The following PRKN variants were observed in gnomAD, a reference collection of about 807,000 sequenced individuals.
PRKN encodes the protein E3 ubiquitin-protein ligase parkin.
Under a neutral mutation model 59.5 loss-of-function variants are expected in PRKN, and 56 were observed. The observed-to-expected ratio is 0.94, with a 90% CI of 0.76 to 1.18. PRKN has a LOEUF of 1.18. PRKN is among the 50% of genes most tolerant of loss of function. The pLI, the probability that PRKN is intolerant of heterozygous loss-of-function variation, is 0.00. For synonymous variants in PRKN, 250 were observed against 222.1 expected (o/e 1.13, Z -1.12); for missense variants, 657 against 596.4 (o/e 1.10, Z -1.06).
At chr6:162,712,769 T>C (rs1208182241) in intron 1 of PRKN, among the ~76,000 whole-genome samples, 1 of 152,192 alleles carries the variant, frequency 6.6e-6, no homozygotes, top group African/African-American at 2.4e-5. Flanking sequence ...TACATAGCTG[T>C]CCTAAAGTTG....
At chr6:162,695,273 T>C (rs531793172) in intron 1 of PRKN, among the ~76,000 whole-genome samples, 1 of 152,258 alleles carries the variant, frequency 6.6e-6, no homozygotes, top group African/African-American at 2.4e-5. Flanking sequence ...TATTTCTGGG[T>C]CACAGAAATT....
At chr6:162,553,842 AAAAAAAG>A (rs1759611303) in intron 1 of PRKN, among the ~76,000 whole-genome samples, 1 of 18,270 alleles carries the variant, frequency 5.5e-5, no homozygotes, top group African/African-American at 2.6e-4. Flanking sequence ...AAAAAAAAAA[AAAAAAAG>A]GGTAAAAGTG....
chr6:161,437,984 T>C (rs1329391133), intron 9 of PRKN, among the ~76,000 whole-genome samples: 3 of 152,130 alleles, frequency 2.0e-5, no homozygotes, highest in Non-Finnish European at 2.9e-5. Flanking sequence ...ACAGTAATTA[T>C]ATGAGCCCAC....
intron 6 of PRKN, among the ~76,000 whole-genome samples, chr6:161,971,577 T>C (rs1562428497): frequency 1.3e-5 from 2 of 152,338 alleles, no homozygotes; most frequent in Non-Finnish European, 1.5e-5. Flanking sequence ...GTCATTCACC[T>C]TGCCAAGAGA....
In PRKN at chr6:161,499,781, C is replaced by T. The variant is rs890713448; in HGVS notation, c.1083+49073G>A. Among the ~76,000 whole-genome samples the T allele has an allele frequency of 9.9e-5, 15 of 150,820 alleles. No individual in the cohort carries two copies. The highest frequency in any genetic ancestry group is 2.2e-4 in the African/African-American group (9 of 40,434). On this transcript the variant is annotated intron_variant, in intron 9 of 11. Transcript: ENST00000366898. The surrounding 1 kb of genome is among the most constrained non-coding windows in gnomAD (Gnocchi z 4.2). ...ATCATATATTCAGAACCAAGTTCTA[C>T]GAATGGGTAAAGAATTTTTATTCTC...
chr6:161,680,034 A>G (rs1449501013), intron 7 of PRKN, among the ~76,000 whole-genome samples: 1 of 152,096 alleles, frequency 6.6e-6, no homozygotes, highest in Non-Finnish European at 1.5e-5. Flanking sequence ...GATTACAGGC[A>G]TGAGCCACCG....
chr6:161,646,422 G>A (rs1371501811), intron 7 of PRKN, among the ~76,000 whole-genome samples: 1 of 112,722 alleles, frequency 8.9e-6, no homozygotes, highest in African/African-American at 3.2e-5. Flanking sequence ...CAGTGACAGT[G>A]GTCACTGCGT....
At chr6:162,486,143 C>A (rs1792528638) in intron 1 of PRKN, among the ~76,000 whole-genome samples, 1 of 152,186 alleles carries the variant, frequency 6.6e-6, no homozygotes, top group Admixed American at 6.5e-5. Flanking sequence ...TAATTCCACT[C>A]TCCAGGGGAA....
intron 10 of PRKN, among the ~76,000 whole-genome samples, chr6:161,384,852 T>C (rs966629391): frequency 6.6e-6 from 1 of 152,242 alleles, no homozygotes; most frequent in African/African-American, 2.4e-5. Context: ...CATATTACTG[T>C]AATTACGATA....
chr6:161,499,799 T>G lies in PRKN; in HGVS notation c.1083+49055A>C, dbSNP rs1017750085. Among the ~76,000 whole-genome samples, 8 of 152,240 alleles carry G rather than the reference T, an allele frequency of 5.3e-5. No individual in the cohort carries two copies. Among genetic ancestry groups the G allele is most frequent in the African/African-American group, 1.9e-4 (8 of 41,470 alleles). On this transcript the variant is annotated intron_variant, in intron 9 of 11. Transcript: ENST00000366898. The surrounding 1 kb of genome is among the most constrained non-coding windows in gnomAD (Gnocchi z 4.2). ...AGTTCTACGAATGGGTAAAGAATTT[T>G]TATTCTCTTCTAGCTTTGAAAGACC...
chr6:162,598,573 C>A (rs1781576230), intron 1 of PRKN, among the ~76,000 whole-genome samples: 2 of 152,122 alleles, frequency 1.3e-5, no homozygotes, highest in Admixed American at 1.3e-4. Flanking sequence ...TGTTGCAAGG[C>A]TGGGCACGGT....
intron 9 of PRKN, among the ~76,000 whole-genome samples, chr6:161,474,920 T>C (rs1005098512): frequency 4.0e-5 from 6 of 151,344 alleles, no homozygotes; most frequent in African/African-American, 1.5e-4. Context: ...CTTATTTTTA[T>C]TTTTTGAGAT....
rs192769831 is a variant in PRKN at position 161,448,898 on chromosome 6, G to C, written c.1084-62021C>G. ...CGTTCAAGGTAGAGGATGACTTTGG[G>C]ACTCTGGCAACACAGGAAGCCCAGT... On this transcript the variant is annotated intron_variant, in intron 9 of 11. Coordinates refer to ENST00000366898, the MANE Select transcript of PRKN (RefSeq NM_004562.3). This position sits in a 1 kb window ranked among gnomAD's most constrained non-coding sequence, Gnocchi z 5.1. Among the ~76,000 whole-genome samples the C allele has an allele frequency of 2.2e-3, 334 of 152,258 alleles. 1 individual carries two copies. Among genetic ancestry groups the C allele is most frequent in the African/African-American group, 7.8e-3 (322 of 41,548 alleles).
chr6:162,162,303 G>C (rs1023957341), intron 4 of PRKN, among the ~76,000 whole-genome samples: 18 of 152,160 alleles, frequency 1.2e-4, no homozygotes, highest in African/African-American at 3.6e-4. Flanking sequence ...GTAATCCAGA[G>C]ATGATGTAAA....
At chr6:162,452,528 G>T (rs1583596504) in intron 1 of PRKN, among the ~76,000 whole-genome samples, 1 of 151,938 alleles carries the variant, frequency 6.6e-6, no homozygotes, top group Non-Finnish European at 1.5e-5. Flanking sequence ...TATTAACAAT[G>T]AAGAAACTAA....
intron 9 of PRKN, among the ~76,000 whole-genome samples, chr6:161,427,455 G>A (rs1453516167): frequency 6.6e-6 from 1 of 152,158 alleles, no homozygotes; most frequent in Non-Finnish European, 1.5e-5. Context: ...AAAAGACACA[G>A]CTGGGATTAG....
intron 9 of PRKN, among the ~76,000 whole-genome samples, chr6:161,513,141 G>C (rs1778455184): frequency 6.6e-6 from 1 of 152,218 alleles, no homozygotes; most frequent in African/African-American, 2.4e-5. Flanking sequence ...ATGATAGACT[G>C]GTTTCTAGAA....
chr6:161,830,412 G>T (rs190907803), intron 6 of PRKN, among the ~76,000 whole-genome samples: 1 of 151,980 alleles, frequency 6.6e-6, no homozygotes, highest in African/African-American at 2.4e-5. Flanking sequence ...CCACCATGCC[G>T]AGCTAATTTT....
At chr6:162,423,930 C>A (rs1368778575) in intron 2 of PRKN, among the ~76,000 whole-genome samples, 1 of 152,066 alleles carries the variant, frequency 6.6e-6, no homozygotes. Flanking sequence ...ACATTTATTT[C>A]CACACAAAAA....
Sources: allele counts gnomAD v4.1 joint callset (sites outside exome capture counted in the v4.1 genomes callset), GRCh38; gene constraint gnomAD v4.1.1; non-coding constraint Gnocchi (gnomAD v3.1); transcripts MANE v1.5; gene names NCBI Gene and HGNC (gene_info 2026-07-23, HGNC 2026-07-21).